Variants in PRKN observed in about 807,000 individuals in gnomAD.
PRKN encodes parkin RBR E3 ubiquitin protein ligase, also known as E3 ubiquitin-protein ligase parkin.
A neutral mutation model predicts 59.5 loss-of-function variants in PRKN; 56 were observed. The ratio of observed to expected loss-of-function variants is 0.94; its 90% CI spans 0.76 to 1.18. The LOEUF is 1.18. Ranked by LOEUF, PRKN falls within the 50% of genes most tolerant of loss-of-function variation. PRKN has a pLI of 0.00. For synonymous variants in PRKN, 250 were observed against 222.1 expected (o/e 1.13, Z -1.12); for missense variants, 657 against 596.4 (o/e 1.10, Z -1.06).
rs774496098 is a variant in PRKN at position 161,973,429 on chromosome 6, A to G, written c.619-12T>C. The G allele has an allele frequency of 6.9e-6, 10 of 1,447,856 alleles. No individual in the cohort carries two copies. The Admixed American group carries it at 1.0e-4, about 15-fold the overall frequency. 89.7% of individuals were successfully genotyped at this position (1,447,856 alleles called of 1,614,324 possible). ...TTAAAGAAAAATTCCTGAAAGAAAG[A>G]TAAATATGATCACACACATGGATCC... On this transcript the variant is annotated splice_polypyrimidine_tract_variant and intron_variant, in intron 5 of 11. Transcript: ENST00000366898.
chr6:162,284,052 T>C (rs1390899232), intron 2 of PRKN, among the ~76,000 whole-genome samples: 1 of 151,950 alleles, frequency 6.6e-6, no homozygotes, highest in Non-Finnish European at 1.5e-5. Context: ...TAAACAAATC[T>C]GAGAACTTCA....
At chr6:161,762,560 G>C (rs1789246513) in intron 7 of PRKN, among the ~76,000 whole-genome samples, 1 of 152,078 alleles carries the variant, frequency 6.6e-6, no homozygotes, top group South Asian at 2.1e-4. Context: ...TCCACTGAAC[G>C]TATTTACATT....
intron 7 of PRKN, among the ~76,000 whole-genome samples, chr6:161,706,207 T>C (rs956278068): frequency 2.6e-5 from 4 of 152,142 alleles, no homozygotes; most frequent in African/African-American, 9.7e-5. Context: ...TTTCACGGGA[T>C]CCCTGGGGGA....
chr6:162,579,894 C>G (rs1261150368), intron 1 of PRKN, among the ~76,000 whole-genome samples: 1 of 152,190 alleles, frequency 6.6e-6, no homozygotes, highest in East Asian at 1.9e-4. Context: ...TGTTTGCATG[C>G]CGACATATAC....
chr6:162,117,854 T>C (rs1387060187), intron 4 of PRKN, among the ~76,000 whole-genome samples: 1 of 152,164 alleles, frequency 6.6e-6, no homozygotes, highest in African/African-American at 2.4e-5. Flanking sequence ...CCCAGCACTT[T>C]GGGAGGCTGA....
chr6:161,371,558 A>G lies in PRKN; in HGVS notation c.1168-11353T>C, dbSNP rs1437600918. Among the ~76,000 whole-genome samples the G allele has an allele frequency of 1.3e-5, 2 of 152,104 alleles. No individual in the cohort carries two copies. The highest frequency in any genetic ancestry group is 2.9e-5 in the Non-Finnish European group (2 of 68,024). Reference sequence around the variant, plus strand: ...TCCGGGGAATACAAGGCTACACTGTAAGCAATACAAGGCTACTCCACTAAG... The same window carrying G: ...TCCGGGGAATACAAGGCTACACTGTGAGCAATACAAGGCTACTCCACTAAG... On this transcript the variant is annotated intron_variant, in intron 10 of 11. Coordinates refer to ENST00000366898, the MANE Select transcript of PRKN (RefSeq NM_004562.3). This position sits in a 1 kb window ranked among gnomAD's most constrained non-coding sequence, Gnocchi z 5.5.
chr6:161,630,679 A>G (rs975783161), intron 7 of PRKN, among the ~76,000 whole-genome samples: 1 of 152,118 alleles, frequency 6.6e-6, no homozygotes, highest in African/African-American at 2.4e-5. Context: ...CTCCGCAGGC[A>G]TCCACGGTTT....
intron 1 of PRKN, among the ~76,000 whole-genome samples, chr6:162,454,225 A>G (rs1790757460): frequency 6.6e-6 from 1 of 152,246 alleles, no homozygotes; most frequent in South Asian, 2.1e-4. Context: ...TTATCACGTC[A>G]GTTGTGCCAT....
intron 9 of PRKN, among the ~76,000 whole-genome samples, chr6:161,541,915 T>C (rs1341337021): frequency 6.6e-6 from 1 of 152,198 alleles, no homozygotes; most frequent in African/African-American, 2.4e-5. Context: ...GTGGTCTGTG[T>C]TGGGTTAAAA....
intron 6 of PRKN, among the ~76,000 whole-genome samples, chr6:161,929,673 GCCA>G (rs1779098587): frequency 6.6e-6 from 1 of 151,660 alleles, no homozygotes; most frequent in Non-Finnish European, 1.5e-5. Context: ...ACAGGCACAC[GCCA>G]CCACACCTGG....
chr6:161,822,292 T>A (rs1156345109), intron 6 of PRKN, among the ~76,000 whole-genome samples: 1 of 152,104 alleles, frequency 6.6e-6, no homozygotes, highest in Non-Finnish European at 1.5e-5. Flanking sequence ...TTCCAGAAAG[T>A]GATTTTAAAG....
At chr6:161,969,856 C>A (rs1183836179) in intron 6 of PRKN, among the ~76,000 whole-genome samples, 1 of 151,568 alleles carries the variant, frequency 6.6e-6, no homozygotes, top group Non-Finnish European at 1.5e-5. Flanking sequence ...TCCTTTTTGC[C>A]CAATAAATTC....
intron 2 of PRKN, among the ~76,000 whole-genome samples, chr6:162,331,710 G>A (rs1463302617): frequency 6.6e-6 from 1 of 152,124 alleles, no homozygotes; most frequent in Non-Finnish European, 1.5e-5. Context: ...TTCCTTCAGA[G>A]GATCTAGACC....
intron 9 of PRKN, among the ~76,000 whole-genome samples, chr6:161,427,630 G>A (rs748253281): frequency 2.6e-5 from 4 of 152,136 alleles, no homozygotes; most frequent in Non-Finnish European, 4.4e-5. Context: ...ATTGGAAGAC[G>A]TTTTGTGACA....
At chr6:161,684,126 A>C (rs1365554621) in intron 7 of PRKN, among the ~76,000 whole-genome samples, 1 of 152,222 alleles carries the variant, frequency 6.6e-6, no homozygotes, top group Non-Finnish European at 1.5e-5. Flanking sequence ...TGTCAGATGA[A>C]AGATGTTGGA....
At chr6:162,259,790 A>G (rs1779809556) in intron 3 of PRKN, among the ~76,000 whole-genome samples, 1 of 152,138 alleles carries the variant, frequency 6.6e-6, no homozygotes, top group Admixed American at 6.6e-5. Flanking sequence ...ATGTATCACC[A>G]CTCTTCTAAG....
At chr6:161,737,905 A>T (rs1327494907) in intron 7 of PRKN, among the ~76,000 whole-genome samples, 1 of 152,208 alleles carries the variant, frequency 6.6e-6, no homozygotes, top group Non-Finnish European at 1.5e-5. Flanking sequence ...ATCACATATT[A>T]CATCCCGTTT....
At chr6:162,191,622 T>C (rs1784280469) in intron 4 of PRKN, among the ~76,000 whole-genome samples, 1 of 152,188 alleles carries the variant, frequency 6.6e-6, no homozygotes, top group Non-Finnish European at 1.5e-5. Flanking sequence ...TTTGTATTTT[T>C]AGTAGAGACA....
intron 1 of PRKN, among the ~76,000 whole-genome samples, chr6:162,467,601 G>C (rs1791488859): frequency 6.6e-6 from 1 of 152,028 alleles, no homozygotes; most frequent in African/African-American, 2.4e-5. Flanking sequence ...ACCATTATCT[G>C]TCTTTTGAAT....
Sources: allele counts gnomAD v4.1 joint callset (sites outside exome capture counted in the v4.1 genomes callset), GRCh38; gene constraint gnomAD v4.1.1; non-coding constraint Gnocchi (gnomAD v3.1); transcripts MANE v1.5; gene names NCBI Gene and HGNC (gene_info 2026-07-23, HGNC 2026-07-21).